ZNF277: variants seen among roughly 807,000 people sequenced by gnomAD.
ZNF277 encodes the protein zinc finger protein 277.
ZNF277 carries 55 observed loss-of-function variants against 60.7 expected under a neutral mutation model. The ratio of observed to expected loss-of-function variants is 0.91; its 90% CI spans 0.73 to 1.13. ZNF277 has a LOEUF of 1.13. Ranked by LOEUF, ZNF277 falls within the 50% of genes most tolerant of loss-of-function variation. The probability of loss-of-function intolerance (pLI) is 0.00; values close to 1 mark genes in which losing one functional copy is unlikely to be tolerated. For missense variants in ZNF277, 510 were observed against 523.0 expected (o/e 0.98, Z 0.24); for synonymous variants, 178 against 179.3 (o/e 0.99, Z 0.06).
chr7:112,290,967 AGAT>A (rs1217502858), intron 2 of ZNF277, among the ~76,000 whole-genome samples: 1 of 152,202 alleles, frequency 6.6e-6, no homozygotes, highest in Non-Finnish European at 1.5e-5. Context: ...TAGATAATGA[AGAT>A]GATAATAAAT....
intron 5 of ZNF277, 54 bp downstream of exon 5, chr7:112,318,327 G>C (rs4727766): frequency 6.8e-7 from 1 of 1,474,372 alleles, no homozygotes; most frequent in Non-Finnish European, 9.5e-7. Context: ...AAACTCATCA[G>C]AACATCCCTA....
chr7:112,232,107 A>G (rs369747038), intron 1 of ZNF277, among the ~76,000 whole-genome samples: 93 of 146,658 alleles, frequency 6.3e-4, no homozygotes, highest in African/African-American at 2.3e-3. Flanking sequence ...AAGTTATCTC[A>G]AAGCCCTTCT....
chr7:112,218,630 CT>C (rs774421720), intron 1 of ZNF277, among the ~76,000 whole-genome samples: 31 of 152,318 alleles, frequency 2.0e-4, no homozygotes, highest in Non-Finnish European at 3.7e-4. Context: ...TCCCCTCCCC[CT>C]AGCCCCTGGT....
rs1424512285 is a variant in ZNF277, at chr7:112,295,793, C to T, written c.294-76C>T. On this transcript the variant is annotated intron_variant, in intron 2 of 11. Transcript: ENST00000361822. ...TGTTGCTTTGGGATGAGTGAATGTG[C>T]TTATAGATTCCTGTCATTCTAAAGC... The T allele has an allele frequency of 4.3e-6, 5 of 1,160,876 alleles. No homozygotes were observed. The East Asian group carries it at 9.5e-5, about 22-fold the overall frequency. The allele number at this position is 1,160,876 out of a possible 1,614,324, so 71.9% of individuals were successfully genotyped here. A position where few individuals can be genotyped will look rare whatever the true frequency, so the allele number is the denominator to read the frequency against.
At chr7:112,300,807 C>T (rs970253341) in intron 4 of ZNF277, among the ~76,000 whole-genome samples, 2 of 152,126 alleles carry the variant, frequency 1.3e-5, no homozygotes, top group African/African-American at 2.4e-5. Flanking sequence ...CCACCATTCT[C>T]CTGGTCACTC....
chr7:112,276,807 G>A (rs1168219918), intron 1 of ZNF277, among the ~76,000 whole-genome samples: 1 of 152,118 alleles, frequency 6.6e-6, no homozygotes, highest in Non-Finnish European at 1.5e-5. Flanking sequence ...CATTTACCAA[G>A]GGTATTTATC....
intron 1 of ZNF277, among the ~76,000 whole-genome samples, chr7:112,242,165 T>C (rs377562101): frequency 6.6e-6 from 1 of 151,946 alleles, no homozygotes; most frequent in South Asian, 2.1e-4. Flanking sequence ...TAAAAAAAGA[T>C]AATCTCAATA....
intron 2 of ZNF277, among the ~76,000 whole-genome samples, chr7:112,293,469 C>T (rs569871624): frequency 6.6e-6 from 1 of 151,484 alleles, no homozygotes; most frequent in South Asian, 2.1e-4. Context: ...GTCCCAGCTA[C>T]TCGGGAGGCT....
chr7:112,313,790 A>G (rs773492771), intron 4 of ZNF277, among the ~76,000 whole-genome samples: 4 of 152,152 alleles, frequency 2.6e-5, no homozygotes, highest in Non-Finnish European at 4.4e-5. Context: ...AAACTACATA[A>G]TAAGTGCCAA....
intron 1 of ZNF277, among the ~76,000 whole-genome samples, chr7:112,256,291 G>GA (rs779960809): frequency 7.0e-4 from 106 of 151,974 alleles, no homozygotes; most frequent in Non-Finnish European, 1.4e-3. Context: ...CTTATACATA[G>GA]AAATAAGAAA....
chr7:112,288,890 C>A (rs1270079152), intron 2 of ZNF277: 1 of 134,694 alleles, frequency 7.4e-6, no homozygotes, highest in Non-Finnish European at 1.5e-5. Context: ...ATAGGGTAGT[C>A]AAGCTTCCAA....
intron 1 of ZNF277, among the ~76,000 whole-genome samples, chr7:112,218,335 T>G (rs1821940273): frequency 1.3e-5 from 2 of 152,224 alleles, no homozygotes; most frequent in South Asian, 4.1e-4. Flanking sequence ...CGTTGTTTTT[T>G]GTTTCGTATT....
chr7:112,234,047 A>C (rs1020857379), intron 1 of ZNF277, among the ~76,000 whole-genome samples: 7 of 152,204 alleles, frequency 4.6e-5, no homozygotes, highest in African/African-American at 1.7e-4. Context: ...ATATCTTTCA[A>C]AATCTGCCTG....
intron 1 of ZNF277, among the ~76,000 whole-genome samples, chr7:112,258,037 T>C (rs1791363578): frequency 6.6e-6 from 1 of 152,040 alleles, no homozygotes; most frequent in South Asian, 2.1e-4. Context: ...GGCAAATTTT[T>C]TTAAGCCAGA....
intron 1 of ZNF277, among the ~76,000 whole-genome samples, chr7:112,273,126 A>G (rs920080039): frequency 1.3e-5 from 2 of 152,188 alleles, no homozygotes; most frequent in African/African-American, 4.8e-5. Flanking sequence ...AGCACAGCAC[A>G]GAGACTTGCC....
intron 5 of ZNF277, among the ~76,000 whole-genome samples, chr7:112,319,611 AG>A (rs1484592737): frequency 4.7e-5 from 7 of 149,774 alleles, no homozygotes; most frequent in Non-Finnish European, 7.4e-5. Context: ...GGAAAGGAGA[AG>A]GTAGCCACTT....
At chr7:112,264,118 A>G (rs1791494450) in intron 1 of ZNF277, among the ~76,000 whole-genome samples, 1 of 152,116 alleles carries the variant, frequency 6.6e-6, no homozygotes, top group South Asian at 2.1e-4. Flanking sequence ...AGCCACAATG[A>G]CCTTTTCTAA....
chr7:112,210,477 T>C (rs55904663), intron 1 of ZNF277, among the ~76,000 whole-genome samples: 1 of 129,454 alleles, frequency 7.7e-6, no homozygotes, highest in African/African-American at 2.8e-5. Flanking sequence ...TTTTTTTTTT[T>C]GTTTTTTTTT....
intron 1 of ZNF277, among the ~76,000 whole-genome samples, chr7:112,260,189 C>A (rs1791411033): frequency 6.6e-6 from 1 of 152,192 alleles, no homozygotes; most frequent in Admixed American, 6.5e-5. Context: ...TCTCCTGAGC[C>A]CAGGAAGTTG....
Sources: allele counts gnomAD v4.1 joint callset (sites outside exome capture counted in the v4.1 genomes callset), GRCh38; gene constraint gnomAD v4.1.1; transcripts MANE v1.5; gene names NCBI Gene and HGNC (gene_info 2026-07-23, HGNC 2026-07-21).